The following STAC variants were observed in gnomAD, a reference collection of about 807,000 sequenced individuals.
STAC encodes the protein SH3 and cysteine-rich domain-containing protein.
STAC carries 43 observed loss-of-function variants against 48.8 expected under a neutral mutation model. The observed-to-expected ratio is 0.88, with a 90% CI of 0.69 to 1.14. The LOEUF is 1.14. Ranked by LOEUF, STAC falls within the 50% of genes most tolerant of loss-of-function variation. STAC has a pLI of 0.00. For missense variants in STAC, 497 were observed against 504.0 expected (o/e 0.99, Z 0.13); for synonymous variants, 193 against 179.5 (o/e 1.07, Z -0.60).
At chr3:36,525,469 T>C (rs1296316646) in intron 8 of STAC, among the ~76,000 whole-genome samples, 2 of 151,778 alleles carry the variant, frequency 1.3e-5, no homozygotes, top group Admixed American at 6.6e-5. Flanking sequence ...AGTCTCTCAG[T>C]AGACTATAAA....
chr3:36,395,765 G>A (rs1699844970), intron 1 of STAC, among the ~76,000 whole-genome samples: 1 of 152,124 alleles, frequency 6.6e-6, no homozygotes, highest in Non-Finnish European at 1.5e-5. Flanking sequence ...ATGTTGCTTG[G>A]TCCATGTAGG....
At chr3:36,477,433 G>T (rs1163498130) in intron 2 of STAC, among the ~76,000 whole-genome samples, 1 of 151,936 alleles carries the variant, frequency 6.6e-6, no homozygotes, top group African/African-American at 2.4e-5. Flanking sequence ...TTATCAAAAT[G>T]AGTCCAGCCA....
chr3:36,518,153 T>G (rs944498131), intron 8 of STAC, among the ~76,000 whole-genome samples: 3 of 152,238 alleles, frequency 2.0e-5, no homozygotes, highest in African/African-American at 7.2e-5. Flanking sequence ...ATGACTTTCA[T>G]GACTTTGCTG....
chr3:36,405,853 G>A (rs1267651288), intron 1 of STAC, among the ~76,000 whole-genome samples: 3 of 152,152 alleles, frequency 2.0e-5, no homozygotes, highest in African/African-American at 7.2e-5. Flanking sequence ...CCAAGTAGCT[G>A]GGACTACAGG....
chr3:36,398,574 AAGGAAGGAAGGAAGG>A (rs1699928026), intron 1 of STAC, among the ~76,000 whole-genome samples: 1 of 74,860 alleles, frequency 1.3e-5, no homozygotes, highest in Non-Finnish European at 2.6e-5. Context: ...GGAAGGAAGG[AAGGAAGGAAGGAAGG>A]AAGGAAGGAA....
At chr3:36,493,975 C>T (rs971324926) in intron 6 of STAC, among the ~76,000 whole-genome samples, 1 of 150,972 alleles carries the variant, frequency 6.6e-6, no homozygotes, top group African/African-American at 2.4e-5. Context: ...ACGGTGAAAC[C>T]CCGTCTCTAC....
chr3:36,477,525 CCACCAG>C (rs1477037919), intron 2 of STAC, among the ~76,000 whole-genome samples: 2 of 151,886 alleles, frequency 1.3e-5, no homozygotes, highest in Middle Eastern at 3.2e-3. Flanking sequence ...GTAGGTTCAG[CCACCAG>C]CACTGAGAAA....
chr3:36,432,444 G>A (rs970864052), intron 1 of STAC, among the ~76,000 whole-genome samples: 3 of 152,198 alleles, frequency 2.0e-5, no homozygotes, highest in Non-Finnish European at 4.4e-5. Flanking sequence ...GCTCACACCT[G>A]TAATCTCAGC....
intron 7 of STAC, among the ~76,000 whole-genome samples, chr3:36,505,298 G>T (rs1485878253): frequency 2.6e-5 from 4 of 151,970 alleles, no homozygotes; most frequent in Non-Finnish European, 5.9e-5. Context: ...ATTGCCAGAT[G>T]AATATACCTG....
At chr3:36,490,899 A>C (rs933389543) in intron 5 of STAC, among the ~76,000 whole-genome samples, 18 of 152,212 alleles carry the variant, frequency 1.2e-4, no homozygotes, top group Admixed American at 9.8e-4. Context: ...AGGGATGTCC[A>C]TTTATCACCG....
intron 1 of STAC, among the ~76,000 whole-genome samples, chr3:36,417,898 T>G (rs569188096): frequency 2.0e-5 from 3 of 152,364 alleles, no homozygotes; most frequent in African/African-American, 7.2e-5. Flanking sequence ...AATCAGCTAT[T>G]CTTTCATTTT....
At chr3:36,533,211 A>T (rs189648561) in intron 10 of STAC, among the ~76,000 whole-genome samples, 217 of 152,278 alleles carry the variant, frequency 1.4e-3, no homozygotes, top group African/African-American at 5.0e-3. Flanking sequence ...GTTCTTGCTC[A>T]TGTGGGCTCC....
chr3:36,543,783 A>G lies in STAC; in HGVS notation c.1111-2408A>G, dbSNP rs1699382895. ...GTTCCAAGGCATGGAGTAATGGTGT[A>G]AGGCTCTTAGCTCTGGCCAGAATTT... On this transcript the variant is annotated intron_variant, in intron 10 of 10. Transcript: ENST00000273183. 3.9e-5 allele frequency among the ~76,000 whole-genome samples: 6 copies of G among 152,310 alleles called. 1 individual carries two copies. The South Asian group carries it at 1.2e-3, about 32-fold the overall frequency.
intron 2 of STAC, among the ~76,000 whole-genome samples, chr3:36,479,214 A>G (rs1181387046): frequency 1.3e-5 from 2 of 152,168 alleles, no homozygotes; most frequent in African/African-American, 2.4e-5. Flanking sequence ...TTCTACCTTC[A>G]TACATGTTAA....
chr3:36,384,055 C>G (rs1485631366), intron 1 of STAC, among the ~76,000 whole-genome samples: 3 of 152,180 alleles, frequency 2.0e-5, no homozygotes, highest in Admixed American at 2.0e-4. Flanking sequence ...GTATCATACC[C>G]TTCTATCTTC....
chr3:36,492,661 A>T (rs1698023006), intron 5 of STAC, among the ~76,000 whole-genome samples: 1 of 152,256 alleles, frequency 6.6e-6, no homozygotes, highest in African/African-American at 2.4e-5. Context: ...AAAGAGAGTC[A>T]GGATACATAT....
intron 10 of STAC, among the ~76,000 whole-genome samples, chr3:36,545,216 T>C (rs897461564): frequency 1.3e-5 from 2 of 152,222 alleles, no homozygotes; most frequent in African/African-American, 4.8e-5. Context: ...CAATGGCCAA[T>C]GACTGACTGA....
chr3:36,527,520 C>G (rs1479924776), intron 8 of STAC, among the ~76,000 whole-genome samples: 16 of 151,540 alleles, frequency 1.1e-4, no homozygotes, highest in Admixed American at 9.9e-4. Context: ...AATAAATGAT[C>G]AGGAAAATAA....
At chr3:36,400,852 G>A (rs1699986970) in intron 1 of STAC, among the ~76,000 whole-genome samples, 1 of 152,154 alleles carries the variant, frequency 6.6e-6, no homozygotes, top group Non-Finnish European at 1.5e-5. Context: ...CTTGACCCAG[G>A]CTTGTCTGTA....
Sources: allele counts gnomAD v4.1 joint callset (sites outside exome capture counted in the v4.1 genomes callset), GRCh38; gene constraint gnomAD v4.1.1; transcripts MANE v1.5; gene names NCBI Gene and HGNC (gene_info 2026-07-23, HGNC 2026-07-21).